RAPGEF6: variants seen among roughly 807,000 people sequenced by gnomAD.
RAPGEF6 encodes PDZ domain containing guanine nucleotide exchange factor (GEF) 2.
A neutral mutation model predicts 171.4 loss-of-function variants in RAPGEF6; 56 were observed. The ratio of observed to expected loss-of-function variants is 0.33; its 90% CI spans 0.26 to 0.41. The LOEUF (loss-of-function observed/expected upper bound fraction) is 0.41. RAPGEF6 is among the 10% of genes least tolerant of loss of function. The pLI, the probability that RAPGEF6 is intolerant of heterozygous loss-of-function variation, is 1.00. For synonymous variants in RAPGEF6, 692 were observed against 650.1 expected (o/e 1.06, Z -0.98); for missense variants, 1,674 against 1,921.4 (o/e 0.87, Z 2.41).
chr5:131,604,057 GA>G (rs1764404860), intron 2 of RAPGEF6, among the ~76,000 whole-genome samples: 1 of 151,806 alleles, frequency 6.6e-6, no homozygotes, highest in African/African-American at 2.4e-5. Flanking sequence ...TTTTTCAGAA[GA>G]AAAAAACAAG....
chr5:131,491,926 G>C (rs1033139665), intron 14 of RAPGEF6, among the ~76,000 whole-genome samples: 1 of 152,180 alleles, frequency 6.6e-6, no homozygotes, highest in Admixed American at 6.5e-5. Flanking sequence ...GCTTAAGAAT[G>C]TGGGCAATAT....
In RAPGEF6 at chr5:131,504,653, T is replaced by C. The variant is rs760104876; in HGVS notation, c.1227A>G (p.Gly409=). The change falls in exon 11 of 28, where the codon GGA becomes GGG. Residue 409 remains glycine (G), a synonymous_variant. Coordinates refer to ENST00000509018, the MANE Select transcript of RAPGEF6 (RefSeq NM_016340.6). ...VHEHRELDRS[G]TRKGHIVIKA... is the part of the protein sequence containing the mutation. Reference sequence around the variant, plus strand: ...TGATCACAATGTGTCCTTTCCTGGTTCCACTCCGGTCTAGTTCCCGATGCT... The same window carrying C: ...TGATCACAATGTGTCCTTTCCTGGTCCCACTCCGGTCTAGTTCCCGATGCT... 5.0e-6 allele frequency: 8 copies of C among 1,611,348 alleles called. No individual in the cohort carries two copies. The South Asian group carries it at 8.8e-5, about 18-fold the overall frequency.
rs762407671 is a variant in RAPGEF6 at position 131,635,080 on chromosome 5, G to A, written c.-50C>T. The A allele has an allele frequency of 1.3e-6, 2 of 1,543,116 alleles. No homozygotes were observed. Among genetic ancestry groups the A allele is most frequent in the African/African-American group, 2.7e-5 (2 of 73,286 alleles). ...CCTGCCCTTAGCAGCCCACGCCACA[G>A]TTCATTCACACTAGGTAGCGGGTGC... On this transcript the variant is annotated 5_prime_UTR_variant, in exon 1 of 28. Transcript: ENST00000509018.
At chr5:131,463,817 T>C in intron 18 of RAPGEF6, 2 of 1,184,144 alleles carry the variant, frequency 1.7e-6, no homozygotes, top group Non-Finnish European at 2.1e-6. Context: ...TATATGAAGA[T>C]TTGTATCATT....
intron 17 of RAPGEF6, among the ~76,000 whole-genome samples, chr5:131,471,711 A>T (rs906649785): frequency 6.6e-6 from 1 of 151,744 alleles, no homozygotes; most frequent in African/African-American, 2.4e-5. Flanking sequence ...TATAACTGTG[A>T]CAATTTTTGC....
chr5:131,450,099 G>C, intron 21 of RAPGEF6: 1 of 1,484,714 alleles, frequency 6.7e-7, no homozygotes, highest in Non-Finnish European at 9.1e-7. Flanking sequence ...GGAAAGCACA[G>C]AAAAAAGACA....
chr5:131,479,427 AACTT>A, intron 16 of RAPGEF6, 82 bp downstream of exon 16: 1 of 1,474,418 alleles, frequency 6.8e-7, no homozygotes, highest in South Asian at 1.3e-5. Context: ...AACAAAGCAA[AACTT>A]ACCCAAGCCT....
intron 4 of RAPGEF6, among the ~76,000 whole-genome samples, chr5:131,588,732 G>A (rs1763412309): frequency 6.6e-6 from 1 of 151,778 alleles, no homozygotes; most frequent in African/African-American, 2.4e-5. Flanking sequence ...AACAGAGTGA[G>A]ACTCCGTCTT....
chr5:131,529,676 C>G (rs909152221), intron 6 of RAPGEF6, among the ~76,000 whole-genome samples: 2 of 151,878 alleles, frequency 1.3e-5, no homozygotes, highest in Non-Finnish European at 2.9e-5. Context: ...TTTGGGAGGC[C>G]AAGGCATGAG....
intron 12 of RAPGEF6, among the ~76,000 whole-genome samples, chr5:131,496,949 C>T (rs1756676645): frequency 6.7e-6 from 1 of 150,084 alleles, no homozygotes; most frequent in Non-Finnish European, 1.5e-5. Flanking sequence ...AGAGGTAATA[C>T]CATTTTACAT....
At chr5:131,554,949 G>C (rs1275988471) in intron 5 of RAPGEF6, among the ~76,000 whole-genome samples, 1 of 151,838 alleles carries the variant, frequency 6.6e-6, no homozygotes, top group Non-Finnish European at 1.5e-5. Flanking sequence ...AAAAAAAGAG[G>C]GGAAAAAACA....
At chr5:131,511,481 C>CT (rs55782171) in intron 7 of RAPGEF6, among the ~76,000 whole-genome samples, 16,277 of 137,238 alleles carry the variant, frequency 0.12, 2,034 homozygotes, top group African/African-American at 0.32. Context: ...AAAAGATCAT[C>CT]TTTTTTTTTT....
intron 19 of RAPGEF6, among the ~76,000 whole-genome samples, chr5:131,457,664 T>C (rs976474836): frequency 6.6e-6 from 1 of 152,150 alleles, no homozygotes; most frequent in African/African-American, 2.4e-5. Flanking sequence ...TACAGTTTCC[T>C]TGGATGTGAA....
chr5:131,532,732 G>T (rs554744265), intron 6 of RAPGEF6, among the ~76,000 whole-genome samples: 2 of 151,246 alleles, frequency 1.3e-5, no homozygotes, highest in South Asian at 2.1e-4. Flanking sequence ...TAACAGGTTT[G>T]TCCTGTAGAA....
intron 7 of RAPGEF6, among the ~76,000 whole-genome samples, chr5:131,519,960 C>A (rs1407427863): frequency 1.3e-5 from 2 of 152,140 alleles, no homozygotes; most frequent in African/African-American, 4.8e-5. Flanking sequence ...TCTTTTAATT[C>A]TTTGTTCTCT....
At chr5:131,519,350 C>T (rs1225831797) in intron 7 of RAPGEF6, among the ~76,000 whole-genome samples, 1 of 152,148 alleles carries the variant, frequency 6.6e-6, no homozygotes, top group African/African-American at 2.4e-5. Flanking sequence ...GTGCACTATC[C>T]TGGCTTAGAG....
At chr5:131,579,559 A>G (rs970317947) in intron 4 of RAPGEF6, among the ~76,000 whole-genome samples, 1 of 152,212 alleles carries the variant, frequency 6.6e-6, no homozygotes, top group Non-Finnish European at 1.5e-5. Flanking sequence ...ACAATCCTCT[A>G]GCTAGACACC....
intron 16 of RAPGEF6, 52 bp downstream of exon 16, chr5:131,479,461 A>C: frequency 6.3e-7 from 1 of 1,593,772 alleles, no homozygotes; most frequent in Non-Finnish European, 8.6e-7. Context: ...CCAAATAAAA[A>C]CTTTACAGTG....
intron 4 of RAPGEF6, among the ~76,000 whole-genome samples, chr5:131,591,787 C>T (rs917861350): frequency 1.3e-5 from 2 of 152,136 alleles, no homozygotes; most frequent in African/African-American, 4.8e-5. Flanking sequence ...TATTATATCA[C>T]CTCTCTACAC....
Sources: gnomAD v4.1 joint callset for allele counts (sites outside exome capture counted in the v4.1 genomes callset) on GRCh38, gnomAD v4.1.1 for gene constraint, MANE v1.5 for transcripts, NCBI Gene and HGNC (gene_info 2026-07-23, HGNC 2026-07-21) for gene names.